COL1A2: variants seen among roughly 807,000 people sequenced by gnomAD.
COL1A2 encodes collagen alpha-2(I) chain.
In COL1A2, 49 loss-of-function variants were observed where a neutral mutation model predicts 174.3. That is an observed-to-expected ratio of 0.28 (90% CI 0.22 to 0.36). The LOEUF is 0.36. Among genes scored for constraint, COL1A2 ranks in the 10% least tolerant of loss-of-function variants. The pLI is 1.00. For missense variants in COL1A2, 1,438 were observed against 1,822.7 expected, an observed-to-expected ratio of 0.79 and a Z score of 3.84; for synonymous variants, 655 against 606.6, an observed-to-expected ratio of 1.08 and a Z score of -1.17.
chr7:94,408,502 T>G (rs553665504), intron 15 of COL1A2, 122 bp downstream of exon 15: 1 of 1,255,606 alleles, frequency 8.0e-7, no homozygotes, highest in Admixed American at 1.8e-5. Context: ...CTGTGAGGTC[T>G]TTTGAAGGCT....
chr7:94,409,237 C>T (rs1237562226), intron 16 of COL1A2, 85 bp from the exon 17 acceptor site: 1 of 1,171,026 alleles, frequency 8.5e-7, no homozygotes, highest in East Asian at 2.3e-5. Flanking sequence ...TTTATGAAGA[C>T]ATTTCATAAA....
At chr7:94,429,897 G>C (rs928427829) in intron 51 of COL1A2, 3 of 303,948 alleles carry the variant, frequency 9.9e-6, no homozygotes, top group Non-Finnish European at 1.8e-5. Flanking sequence ...TTCACTAACA[G>C]CAAGACTACA....
rs1422432402 is a variant in COL1A2 at position 94,420,442 on chromosome 7, G to T, written c.2185G>T (p.Ala729Ser). The T allele has an allele frequency of 2.5e-6, 4 of 1,614,050 alleles. No individual in the cohort carries two copies. The highest frequency in any genetic ancestry group is 1.1e-5 in the South Asian group (1 of 91,090). ...TGGCCCCAATGGATTTGCTGGTCCT[G>T]CTGTGAGTATCACATAATGAAGATT... ...PAGPNGFAGPAGAAGQPGAKG... is the reference protein window; with the variant it reads ...PAGPNGFAGPSGAAGQPGAKG... The change falls in exon 36 of 52, where the codon GCT (alanine) becomes TCT (serine). Residue 729 changes from alanine (A) to serine (S), a missense_variant and splice_region_variant. Around this residue, in one of 3 missense-constraint regions of COL1A2, gnomAD observed 867 missense variants for 1,213.7 expected, o/e 0.71. Coordinates refer to ENST00000297268, the MANE Select transcript of COL1A2 (RefSeq NM_000089.4).
Position 94,427,060 on chromosome 7 carries a change from G to A in COL1A2, c.3158G>A (p.Arg1053Lys). The part of the protein sequence containing the change: ...APGSVGPAGP[R>K]GPAGPSGPAG... ...GGCTCCGTGGGTCCTGCTGGTCCTA[G>A]GGTAGGTGGACTCAAGAGAAGACAG... Residue 1053 changes from arginine to lysine, a missense_variant and splice_region_variant, in exon 47 of 52, where the codon AGG becomes AAG. Coordinates refer to ENST00000297268, the MANE Select transcript of COL1A2 (RefSeq NM_000089.4). The A allele has an allele frequency of 3.7e-6, 6 of 1,614,006 alleles. No individual in the cohort carries two copies. Among genetic ancestry groups the A allele is most frequent in the Non-Finnish European group, 5.1e-6 (6 of 1,179,914 alleles).
intron 6 of COL1A2, 89 bp from the exon 7 acceptor site, chr7:94,404,467 T>C (rs2115874450): frequency 1.5e-6 from 2 of 1,337,860 alleles, no homozygotes; most frequent in East Asian, 2.3e-5. Context: ...ACCACAACAA[T>C]GGCACTGCTA....
rs750377261 is a variant in COL1A2, at chr7:94,409,544, T to G, written c.892-20T>G. The G allele has an allele frequency of 1.6e-5, 26 of 1,614,086 alleles. No individual in the cohort carries two copies. The Admixed American group carries it at 2.7e-4, about 17-fold the overall frequency. ...ATATTCCAATTAACTGATATCCTTC[T>G]CCTTTCCTTTTCCTCATAGGGTAAT... is the stretch of plus-strand genomic sequence containing the variant. On this transcript the variant is annotated intron_variant, in intron 17 of 51. Coordinates refer to ENST00000297268, the MANE Select transcript of COL1A2 (RefSeq NM_000089.4).
intron 41 of COL1A2, chr7:94,424,696 T>C (rs1225786630): frequency 1.6e-5 from 8 of 509,294 alleles, no homozygotes; most frequent in South Asian, 1.3e-4. Context: ...AATGATACAA[T>C]CTCTAATTGC....
chr7:94,419,040 A>C (rs1792099142), intron 33 of COL1A2, among the ~76,000 whole-genome samples: 1 of 148,314 alleles, frequency 6.7e-6, no homozygotes, highest in Non-Finnish European at 1.5e-5. Context: ...TGACAGTCTA[A>C]TTACCTTATC....
intron 41 of COL1A2, 69 bp downstream of exon 41, chr7:94,424,512 T>C (rs1792234887): frequency 5.2e-6 from 7 of 1,343,850 alleles, no homozygotes; most frequent in Non-Finnish European, 7.5e-6. Context: ...ACTTCAAATG[T>C]GACAGATTGA....
At position 94,404,746 on chromosome 7, in the gene COL1A2, T is replaced by C; in HGVS notation, c.378T>C (p.Thr126=). The change falls in exon 8 of 52, where the codon ACT becomes ACC. Residue 126 remains threonine, a splice_region_variant and synonymous_variant. Transcript: ENST00000297268. ...GTGAGCCTGGTGAACCTGGTCAAAC[T>C]GTGAGTACATTTTTCCACCTTTGTG... ...PAGEPGEPGQ[T]GPAGARGPAG... is the part of the protein sequence containing the mutation. The C allele has an allele frequency of 6.2e-7, 1 of 1,614,188 alleles. No homozygotes were observed. Among genetic ancestry groups the C allele is most frequent in the Non-Finnish European group, 8.5e-7 (1 of 1,180,012 alleles).
chr7:94,407,792 CA>C, intron 12 of COL1A2, 54 bp from the exon 13 acceptor site: 1 of 1,524,154 alleles, frequency 6.6e-7, no homozygotes, highest in South Asian at 1.1e-5. Flanking sequence ...ATTGCACTAT[CA>C]GGAAAAATAA....
In COL1A2 at chr7:94,425,056, G is replaced by A. The variant is rs1034600153; in HGVS notation, c.2674-61G>A. On this transcript the variant is annotated intron_variant, in intron 41 of 51. Transcript: ENST00000297268. ...ATCTCCTGAGTAGGGTTGTTTTGGA[G>A]GGGAAGGTTAGCATTCCATCGAATA... 3.0e-5 allele frequency: 44 copies of A among 1,466,690 alleles called. No individual in the cohort carries two copies. In the African/African-American group the frequency reaches 4.3e-4, roughly 14 times the overall value. 90.9% of individuals were successfully genotyped at this position (1,466,690 alleles called of 1,614,324 possible).
intron 51 of COL1A2, chr7:94,429,978 T>G (rs1236595198): frequency 6.0e-6 from 3 of 497,142 alleles, no homozygotes; most frequent in Admixed American, 6.5e-5. Context: ...AAAATGACTT[T>G]GTAGAGATAG....
At position 94,404,585 on chromosome 7, in the gene COL1A2, T is replaced by G. The variant is rs1311780874; in HGVS notation, c.309T>G (p.Gly103=). The change falls in exon 7 of 52, where the codon GGT becomes GGG. Residue 103 remains glycine (G), a synonymous_variant. Transcript: ENST00000297268. ...TAATGGGACCTAGAGGCCCACCTGG[T>G]GCAGCTGGAGCCCCAGTAAGTACTG... ...MGLMGPRGPP[G]AAGAPGPQGF... 1.9e-6 allele frequency: 3 copies of G among 1,613,742 alleles called. No individual in the cohort carries two copies. The highest frequency in any genetic ancestry group is 2.7e-5 in the African/African-American group (2 of 74,946).
chr7:94,419,233 G>A lies in COL1A2; in HGVS notation c.2026-265G>A, dbSNP rs10487255. The stretch of plus-strand genomic sequence containing the variant: ...GCTCTCCAGGGAATTTTACAATAGC[G>A]GAAAGTTCAGATCTCCCAAATTTCT... On this transcript the variant is annotated intron_variant, in intron 33 of 51. Transcript: ENST00000297268. 0.17 allele frequency among the ~76,000 whole-genome samples: 25,606 copies of A among 150,890 alleles called. 2,350 individuals are homozygous for A. The highest frequency in any genetic ancestry group is 0.28 in the Admixed American group (4,276 of 15,088).
At chr7:94,401,529 T>TTA (rs747854678) in intron 5 of COL1A2, 38 bp from the exon 6 acceptor site, 78 of 982,096 alleles carry the variant, frequency 7.9e-5, no homozygotes, top group Middle Eastern at 4.0e-4. Flanking sequence ...TAAAAATATT[T>TTA]TATATATATA....
At chr7:94,406,220 C>T in intron 11 of COL1A2, 30 bp from the exon 12 acceptor site, 1 of 1,609,032 alleles carries the variant, frequency 6.2e-7, no homozygotes, top group Non-Finnish European at 8.5e-7. Context: ...TATCATGGAA[C>T]AGCATTTTAT....
rs1311659269 is a variant in COL1A2 at position 94,394,903 on chromosome 7, G to A, written c.-129G>A. 2 of 770,262 alleles carry A rather than the reference G, an allele frequency of 2.6e-6. No homozygotes were observed. The highest frequency in any genetic ancestry group is 3.4e-5 in the African/African-American group (2 of 58,832). The allele number at this position is 770,262 out of a possible 1,614,324, so 47.7% of individuals were successfully genotyped here. Reference sequence around the variant, plus strand: ...CCGGGCTTTATTATTTTAGCACCACGGCAGCAGGAGGTTTCGGCTAAGTTG... The same window carrying A: ...CCGGGCTTTATTATTTTAGCACCACAGCAGCAGGAGGTTTCGGCTAAGTTG... On this transcript the variant is annotated 5_prime_UTR_variant, in exon 1 of 52. Coordinates refer to ENST00000297268, the MANE Select transcript of COL1A2 (RefSeq NM_000089.4).
chr7:94,421,955 A>G lies in COL1A2; in HGVS notation c.2403+3A>G, dbSNP rs766599387. 1 of 1,613,940 alleles carries G rather than the reference A, an allele frequency of 6.2e-7. No homozygotes were observed. The highest frequency in any genetic ancestry group is 8.5e-7 in the Non-Finnish European group (1 of 1,179,860). ...GGACTGGTCCCCCAGGACCCTCTGTAAGTAAATCACTGTAAACGTGTCTTC... is the reference window on the plus strand; with the variant it reads ...GGACTGGTCCCCCAGGACCCTCTGTGAGTAAATCACTGTAAACGTGTCTTC... On this transcript the variant is annotated splice_donor_region_variant and intron_variant, in intron 39 of 51. Coordinates refer to ENST00000297268, the MANE Select transcript of COL1A2 (RefSeq NM_000089.4).
Sources: gnomAD v4.1 joint callset for allele counts (sites outside exome capture counted in the v4.1 genomes callset) on GRCh38, gnomAD v4.1.1 for gene constraint, gnomAD v4.1.1 regional missense constraint, MANE v1.5 for transcripts, NCBI Gene and HGNC (gene_info 2026-07-23, HGNC 2026-07-21) for gene names.